The following SEPHS1 variants were observed in gnomAD, a reference collection of about 807,000 sequenced individuals.
SEPHS1 encodes the protein selenophosphate synthetase 1.
In SEPHS1, 7 loss-of-function variants were observed where a neutral mutation model predicts 39.2. That is an observed-to-expected ratio of 0.18 (90% CI 0.10 to 0.34). The LOEUF is 0.34. Ranked by LOEUF, SEPHS1 falls within the 10% of genes least tolerant of loss-of-function variation. The pLI is 1.00. For synonymous variants in SEPHS1, 190 were observed against 195.5 expected, an observed-to-expected ratio of 0.97 and a Z score of 0.23; for missense variants, 253 against 514.5, an observed-to-expected ratio of 0.49 and a Z score of 4.92.
chr10:13,337,273 T>C (rs1833664738), intron 3 of SEPHS1, among the ~76,000 whole-genome samples: 2 of 152,222 alleles, frequency 1.3e-5, no homozygotes, highest in Non-Finnish European at 2.9e-5. Flanking sequence ...TCATATTGTT[T>C]TCAAAAGAAA....
intron 5 of SEPHS1, among the ~76,000 whole-genome samples, chr10:13,332,720 G>A (rs1470919050): frequency 1.3e-5 from 2 of 151,874 alleles, no homozygotes; most frequent in East Asian, 1.9e-4. Context: ...GCAGGTGCCT[G>A]TAGTCCCAGC....
chr10:13,341,271 T>C (rs778316177), intron 2 of SEPHS1, among the ~76,000 whole-genome samples: 1 of 152,108 alleles, frequency 6.6e-6, no homozygotes, highest in Non-Finnish European at 1.5e-5. Flanking sequence ...AGAGGGATGG[T>C]AACTGGGAAC....
chr10:13,342,076 G>A (rs997340958), intron 2 of SEPHS1, among the ~76,000 whole-genome samples: 4 of 148,588 alleles, frequency 2.7e-5, no homozygotes, highest in Admixed American at 2.0e-4. Context: ...TCAGGAGATC[G>A]AGACCACTGT....
At chr10:13,338,617 C>A in intron 3 of SEPHS1, 88 bp downstream of exon 3, 2 of 1,036,370 alleles carry the variant, frequency 1.9e-6, no homozygotes, top group Admixed American at 1.9e-5. Flanking sequence ...AAAACCAAAA[C>A]CCCACAGATA....
At chr10:13,325,934 GAGACTCAGTCTCAAAAAAAAAA>G (rs1833260597) in intron 7 of SEPHS1, among the ~76,000 whole-genome samples, 1 of 14,096 alleles carries the variant, frequency 7.1e-5, no homozygotes, top group African/African-American at 4.6e-4. Flanking sequence ...AAAAAAAAAA[GAGACTCAGTCTCAAAAAAAAAA>G]AAAAAAAATA....
At position 13,319,725 on chromosome 10, in the gene SEPHS1, C is replaced by T. The variant is rs186269149; in HGVS notation, c.965-369G>A. On this transcript the variant is annotated intron_variant, in intron 8 of 8. Coordinates refer to ENST00000327347, the MANE Select transcript of SEPHS1 (RefSeq NM_012247.5). ...AAACTCCTGGACTCAAGCAATCCAC[C>T]TGCCTTGGCCTCCCAAAGTGCTGAG... 5.3e-5 allele frequency among the ~76,000 whole-genome samples: 8 copies of T among 152,316 alleles called. No individual in the cohort carries two copies. The East Asian group carries it at 9.6e-4, about 18-fold the overall frequency.
intron 2 of SEPHS1, among the ~76,000 whole-genome samples, chr10:13,341,173 CAAGG>C (rs990014904): frequency 3.9e-5 from 6 of 151,998 alleles, no homozygotes; most frequent in Non-Finnish European, 7.4e-5. Flanking sequence ...AATCACATTT[CAAGG>C]AAGGAAGAGA....
At chr10:13,320,244 T>C (rs564456503) in intron 8 of SEPHS1, among the ~76,000 whole-genome samples, 56 of 151,710 alleles carry the variant, frequency 3.7e-4, no homozygotes, top group Middle Eastern at 3.4e-3. Context: ...TGCAGTGGTG[T>C]GATCTCGGCT....
At chr10:13,328,881 C>T (rs563610885) in intron 6 of SEPHS1, among the ~76,000 whole-genome samples, 1 of 152,334 alleles carries the variant, frequency 6.6e-6, no homozygotes, top group Admixed American at 6.5e-5. Context: ...TGGCCTTCTG[C>T]TCTGCTCCCC....
At chr10:13,343,139 A>T (rs950544963) in intron 2 of SEPHS1, among the ~76,000 whole-genome samples, 2 of 152,208 alleles carry the variant, frequency 1.3e-5, no homozygotes, top group African/African-American at 4.8e-5. Flanking sequence ...GTGCCAGAGG[A>T]AGTTATAAAT....
At chr10:13,341,603 C>T (rs1390981113) in intron 2 of SEPHS1, among the ~76,000 whole-genome samples, 2 of 152,114 alleles carry the variant, frequency 1.3e-5, no homozygotes, top group African/African-American at 4.8e-5. Context: ...TTTTGGTTAA[C>T]CCTTCAATTA....
intron 7 of SEPHS1, among the ~76,000 whole-genome samples, chr10:13,326,929 G>C (rs910870801): frequency 6.6e-6 from 1 of 152,080 alleles, no homozygotes; most frequent in Admixed American, 6.6e-5. Flanking sequence ...ACATTTCTCT[G>C]GTAGAACATT....
chr10:13,319,397 ACAGCAG>A (rs1833035522), intron 8 of SEPHS1, 41 bp from the exon 9 acceptor site: 2 of 1,599,368 alleles, frequency 1.3e-6, no homozygotes, highest in African/African-American at 1.3e-5. Context: ...TGTTGACATG[ACAGCAG>A]CTTCTCTGCC....
At chr10:13,329,095 C>T (rs1433443894) in intron 6 of SEPHS1, among the ~76,000 whole-genome samples, 1 of 152,124 alleles carries the variant, frequency 6.6e-6, no homozygotes, top group Non-Finnish European at 1.5e-5. Flanking sequence ...GAATATACCC[C>T]AATCTTATTA....
chr10:13,318,313 T>C lies in SEPHS1; in HGVS notation c.*829A>G, dbSNP rs3864819. 6 of 152,648 alleles carry C rather than the reference T, an allele frequency of 3.9e-5. No homozygotes were observed. Among genetic ancestry groups the C allele is most frequent in the Non-Finnish European group, 2.9e-5 (2 of 68,044 alleles). 9.5% of individuals were successfully genotyped at this position (152,648 alleles called of 1,614,324 possible). A position where few individuals can be genotyped will look rare whatever the true frequency, so the allele number is the denominator to read the frequency against. On this transcript the variant is annotated 3_prime_UTR_variant, in exon 9 of 9. Transcript: ENST00000327347. ...ACACTACCATCCACAGAACAGTCTT[T>C]ACTATTGATTATATTTAAAAATTAT...
At chr10:13,327,786 A>G (rs1266516890) in intron 7 of SEPHS1, among the ~76,000 whole-genome samples, 1 of 152,218 alleles carries the variant, frequency 6.6e-6, no homozygotes, top group African/African-American at 2.4e-5. Flanking sequence ...AAATCAACAC[A>G]GCCAAAAGGA....
intron 7 of SEPHS1, among the ~76,000 whole-genome samples, chr10:13,326,402 A>C (rs1833292025): frequency 6.6e-6 from 1 of 151,766 alleles, no homozygotes; most frequent in African/African-American, 2.4e-5. Context: ...TGAAGTCGGA[A>C]GGCGGAGGTT....
At chr10:13,339,857 AG>A (rs756250336) in intron 2 of SEPHS1, among the ~76,000 whole-genome samples, 1 of 152,182 alleles carries the variant, frequency 6.6e-6, no homozygotes, top group Non-Finnish European at 1.5e-5. Flanking sequence ...GTGCATGTTG[AG>A]ATGCAACCAT....
intron 7 of SEPHS1, among the ~76,000 whole-genome samples, chr10:13,328,036 A>G (rs749552589): frequency 2.0e-5 from 1 of 50,362 alleles, no homozygotes; most frequent in African/African-American, 3.8e-5. Flanking sequence ...TAGCTCCAGT[A>G]TCTTAAACTT....
Sources: gnomAD v4.1 joint callset for allele counts (sites outside exome capture counted in the v4.1 genomes callset) on GRCh38, gnomAD v4.1.1 for gene constraint, MANE v1.5 for transcripts, NCBI Gene and HGNC (gene_info 2026-07-23, HGNC 2026-07-21) for gene names.